The following KNL1 variants were observed in gnomAD, a reference collection of about 807,000 sequenced individuals.
KNL1 encodes the protein outer kinetochore KNL1 complex subunit KNL1.
Under a neutral mutation model 201.3 loss-of-function variants are expected in KNL1, and 66 were observed. That is an observed-to-expected ratio of 0.33 (90% CI 0.27 to 0.40). The LOEUF (loss-of-function observed/expected upper bound fraction) is 0.40, where lower values mean the gene tolerates loss of function less well. Ranked by LOEUF, KNL1 falls within the 10% of genes least tolerant of loss-of-function variation. The probability of loss-of-function intolerance (pLI) is 1.00; values close to 1 mark genes in which losing one functional copy is unlikely to be tolerated. For missense variants in KNL1, 2,815 were observed against 2,690.5 expected, an observed-to-expected ratio of 1.05 and a Z score of -1.02; for synonymous variants, 895 against 899.2, an observed-to-expected ratio of 1.00 and a Z score of 0.08.
chr15:40,611,776 A>G (rs1274892990), intron 7 of KNL1, among the ~76,000 whole-genome samples: 3 of 152,034 alleles, frequency 2.0e-5, no homozygotes, highest in Admixed American at 6.6e-5. Flanking sequence ...TTATTAAATT[A>G]ATCTTTCTTA....
At position 40,623,359 on chromosome 15, in the gene KNL1, A is replaced by T; in HGVS notation, c.3095A>T (p.Asp1032Val). 1.2e-6 allele frequency: 2 copies of T among 1,614,052 alleles called. No homozygotes were observed. The highest frequency in any genetic ancestry group is 1.7e-6 in the Non-Finnish European group (2 of 1,179,936). ...SNNRGPVEVA[D>V]NMELSKSATC... ...AATAGGGGCCCTGTAGAGGTAGCTG[A>T]TAACATGGAATTGTCTAAATCAGCC... Residue 1032 changes from aspartate to valine, a missense_variant, in exon 10 of 26, where the codon GAT becomes GTT. This residue lies in a region of KNL1 where 2,464 missense variants were observed against 2,291.7 expected (regional missense o/e 1.08). Transcript: ENST00000399668.
At chr15:40,614,965 A>G (rs550203106) in intron 7 of KNL1, among the ~76,000 whole-genome samples, 2 of 152,254 alleles carry the variant, frequency 1.3e-5, no homozygotes, top group African/African-American at 2.4e-5. Flanking sequence ...TGACATGATT[A>G]TAGTTCATTG....
chr15:40,623,342 C>T lies in KNL1; in HGVS notation c.3078C>T (p.Gly1026=), dbSNP rs774225682. ...TGGAGGAATGGTCTAATAATAGGGG[C>T]CCTGTAGAGGTAGCTGATAACATGG... ...TPLEEWSNNR[G]PVEVADNMEL... Residue 1026 remains glycine (G), a synonymous_variant, in exon 10 of 26, where the codon GGC becomes GGT. Transcript: ENST00000399668. The T allele has an allele frequency of 6.2e-7, 1 of 1,613,778 alleles. No homozygotes were observed. Among genetic ancestry groups the T allele is most frequent in the Non-Finnish European group, 8.5e-7 (1 of 1,179,902 alleles).
intron 14 of KNL1, among the ~76,000 whole-genome samples, chr15:40,641,663 G>T (rs1002101663): frequency 2.0e-5 from 3 of 152,140 alleles, no homozygotes; most frequent in African/African-American, 4.8e-5. Flanking sequence ...AAACATAAAT[G>T]AATTTCACGT....
In KNL1 at chr15:40,621,735, A is replaced by G. The variant is rs757491596; in HGVS notation, c.1471A>G (p.Thr491Ala). 1 of 1,613,542 alleles carries G rather than the reference A, an allele frequency of 6.2e-7. No individual in the cohort carries two copies. Among genetic ancestry groups the G allele is most frequent in the South Asian group, 1.1e-5 (1 of 91,062 alleles). Reference sequence around the variant, plus strand: ...GAACATGGACATTACCAAGAGTCATACAGTTGCAATAGATAATCAAATTTT... The same window carrying G: ...GAACATGGACATTACCAAGAGTCATGCAGTTGCAATAGATAATCAAATTTT... ...EENMDITKSH[T>A]VAIDNQIFKQ... is the part of the protein sequence containing the mutation. Residue 491 changes from threonine to alanine, a missense_variant, in exon 10 of 26, where the codon ACA becomes GCA. By Grantham distance (58) the Thr-to-Ala change is moderately conservative. Coordinates refer to ENST00000399668, the MANE Select transcript of KNL1 (RefSeq NM_144508.5).
intron 14 of KNL1, among the ~76,000 whole-genome samples, chr15:40,643,586 A>C (rs1893296690): frequency 6.6e-6 from 1 of 152,244 alleles, no homozygotes; most frequent in African/African-American, 2.4e-5. Flanking sequence ...TGGAGATTGC[A>C]GTGAGCCAAG....
rs778909952 is a variant in KNL1 at position 40,622,636 on chromosome 15, C to T, written c.2372C>T (p.Thr791Ile). The change falls in exon 10 of 26, where the codon ACT (threonine) becomes ATT (isoleucine). Residue 791 changes from threonine to isoleucine, a missense_variant. Physicochemically the swap from Thr to Ile is moderately conservative, Grantham distance 89 (BLOSUM62 -1). Around this residue, in one of 3 missense-constraint regions of KNL1, gnomAD observed 2,464 missense variants for 2,291.7 expected, o/e 1.08. Transcript: ENST00000399668. ...ELGKTNLEHT[T>I]GQLTTMNRQI... ...GGTAAAACTAATTTAGAACACACTA[C>T]TGGCCAGCTAACAACAATGAACAGA... is the stretch of plus-strand genomic sequence containing the variant. 8.8e-6 allele frequency: 14 copies of T among 1,596,596 alleles called. No homozygotes were observed. The highest frequency in any genetic ancestry group is 1.8e-5 in the Admixed American group (1 of 56,586).
intron 7 of KNL1, among the ~76,000 whole-genome samples, chr15:40,612,868 C>G (rs142706677): frequency 1.1e-3 from 164 of 152,274 alleles, no homozygotes; most frequent in African/African-American, 3.9e-3. Flanking sequence ...TAAAAAGTCA[C>G]TCCGTGCTAG....
intron 11 of KNL1, 137 bp downstream of exon 11, chr15:40,628,345 TTTAG>T: frequency 1.2e-6 from 1 of 850,768 alleles, no homozygotes; most frequent in Non-Finnish European, 1.7e-6. Flanking sequence ...TAAAATAATA[TTTAG>T]TTTATTTTTA....
At chr15:40,607,970 G>C (rs1892028291) in intron 4 of KNL1, among the ~76,000 whole-genome samples, 1 of 152,062 alleles carries the variant, frequency 6.6e-6, no homozygotes, top group South Asian at 2.1e-4. Flanking sequence ...GAATTGAAAG[G>C]AGAGTTTCAA....
Position 40,628,738 on chromosome 15 carries a change from T to C in KNL1, c.5583+60T>C. 6 of 1,080,390 alleles carry C rather than the reference T, an allele frequency of 5.6e-6. No individual in the cohort carries two copies. The South Asian group carries it at 7.6e-5, about 14-fold the overall frequency. 66.9% of individuals were successfully genotyped at this position (1,080,390 alleles called of 1,614,324 possible). On this transcript the variant is annotated intron_variant, in intron 12 of 25. Transcript: ENST00000399668. The stretch of plus-strand genomic sequence containing the variant: ...AAAGAAAAGAGGTTTAAACGTCTCA[T>C]TTCTAATACACGTAATATTCTTGGT...
intron 13 of KNL1, among the ~76,000 whole-genome samples, chr15:40,636,542 C>G (rs962106140): frequency 6.6e-6 from 1 of 152,098 alleles, no homozygotes; most frequent in Non-Finnish European, 1.5e-5. Flanking sequence ...AAATTATCAA[C>G]TCTAGTCTTG....
rs1191909311 is a variant in KNL1 at position 40,662,394 on chromosome 15, C to T, written c.*206C>T. ...GGTAGGCCTCATAGCCTACTATCAA[C>T]TTACTCATCTTTGTACCAAAGGTTT... On this transcript the variant is annotated 3_prime_UTR_variant, in exon 26 of 26. Transcript: ENST00000399668. 1.3e-5 allele frequency: 6 copies of T among 464,630 alleles called. No individual in the cohort carries two copies. The Admixed American group carries it at 2.4e-4, about 18-fold the overall frequency. 28.8% of individuals were successfully genotyped at this position (464,630 alleles called of 1,614,324 possible).
Position 40,624,633 on chromosome 15 carries a change from CAG to C in KNL1, c.4372_4373del (p.Ser1458Ter). 6.2e-7 allele frequency: 1 copy of C among 1,613,814 alleles called. No homozygotes were observed. Among genetic ancestry groups the C allele is most frequent in the Non-Finnish European group, 8.5e-7 (1 of 1,179,846 alleles). On this transcript the variant is annotated frameshift_variant, in exon 10 of 26. Coordinates refer to ENST00000399668, the MANE Select transcript of KNL1 (RefSeq NM_144508.5). LOFTEE classifies it high-confidence loss of function. ...CCAACCTCCATTACCTAAAAAAGGA[CAG>C]AGTAGTATCAATAAAGAAGAAGTAA... ...TDQPPLPKKG[Q>X]SSINKEEVIL...
chr15:40,612,314 T>TCAAAAAAA (rs1210222348), intron 7 of KNL1, among the ~76,000 whole-genome samples: 2 of 150,816 alleles, frequency 1.3e-5, no homozygotes, highest in East Asian at 2.0e-4. Context: ...AGACTCCGTC[T>TCAAAAAAA]CAAAAAAACA....
At chr15:40,598,030 C>T (rs1299088930) in intron 1 of KNL1, among the ~76,000 whole-genome samples, 1 of 151,868 alleles carries the variant, frequency 6.6e-6, no homozygotes, top group Non-Finnish European at 1.5e-5. Context: ...ATTAGCTGGG[C>T]GTGGTGGCAG....
chr15:40,603,926 A>G (rs1891891606), intron 2 of KNL1, among the ~76,000 whole-genome samples: 1 of 152,174 alleles, frequency 6.6e-6, no homozygotes, highest in African/African-American at 2.4e-5. Context: ...GGTCATTGCC[A>G]TGGAAAGGGC....
chr15:40,594,882 G>C (rs895306066), intron 1 of KNL1, among the ~76,000 whole-genome samples: 1 of 152,212 alleles, frequency 6.6e-6, no homozygotes, highest in Non-Finnish European at 1.5e-5. Flanking sequence ...CTGGCCGCAC[G>C]TAACAGATTT....
chr15:40,651,134 T>G (rs1056887532), intron 19 of KNL1, among the ~76,000 whole-genome samples: 9 of 151,956 alleles, frequency 5.9e-5, no homozygotes, highest in Admixed American at 2.0e-4. Context: ...ATCTACATTA[T>G]GCTTATATTT....
Sources: allele counts gnomAD v4.1 joint callset (sites outside exome capture counted in the v4.1 genomes callset), GRCh38; gene constraint gnomAD v4.1.1; regional missense constraint gnomAD v4.1.1; transcripts MANE v1.5; gene names NCBI Gene and HGNC (gene_info 2026-07-23, HGNC 2026-07-21).